Variants in PDE10A observed in about 807,000 individuals in gnomAD.
PDE10A encodes cAMP and cAMP-inhibited cGMP 3',5'-cyclic phosphodiesterase 10A.
In PDE10A, 39 loss-of-function variants were observed where a neutral mutation model predicts 97.7. The ratio of observed to expected loss-of-function variants is 0.40; its 90% CI spans 0.31 to 0.52. PDE10A has a LOEUF of 0.52. PDE10A is among the 20% of genes least tolerant of loss of function. The probability of loss-of-function intolerance (pLI) is 0.56; values close to 1 mark genes in which losing one functional copy is unlikely to be tolerated. For missense variants in PDE10A, 731 were observed against 1,047.8 expected (o/e 0.70, Z 4.17); for synonymous variants, 371 against 376.8 (o/e 0.98, Z 0.18).
At chr6:165,467,984 C>T (rs998730841) in intron 3 of PDE10A, among the ~76,000 whole-genome samples, 15 of 152,338 alleles carry the variant, frequency 9.8e-5, no homozygotes, top group African/African-American at 3.6e-4. Flanking sequence ...AAGCCATCTA[C>T]ATCTAGGCAA....
chr6:165,390,882 T>C (rs1629169), intron 16 of PDE10A, among the ~76,000 whole-genome samples: 28,135 of 152,156 alleles, frequency 0.18, 3,116 homozygotes, highest in African/African-American at 0.3. Flanking sequence ...ACAATCATAC[T>C]CGCCTGGCAT....
chr6:165,434,925 T>G (rs1160619971), intron 6 of PDE10A, among the ~76,000 whole-genome samples: 1 of 152,210 alleles, frequency 6.6e-6, no homozygotes, highest in Non-Finnish European at 1.5e-5. Context: ...CTCATTCATA[T>G]GCATCCCAGC....
intron 1 of PDE10A, among the ~76,000 whole-genome samples, chr6:165,705,704 A>C (rs1791690664): frequency 6.6e-6 from 1 of 152,218 alleles, no homozygotes. Flanking sequence ...TAATTAGATA[A>C]AAGATAATTT....
chr6:165,955,198 G>A (rs139291687), intron 1 of PDE10A, among the ~76,000 whole-genome samples: 265 of 152,242 alleles, frequency 1.7e-3, no homozygotes, highest in African/African-American at 5.1e-3. Flanking sequence ...CACATAGCCC[G>A]AGGGTCAAGG....
rs1042897172 is a variant in PDE10A, at chr6:165,329,955, G to C, written c.*3070C>G. On this transcript the variant is annotated 3_prime_UTR_variant, in exon 22 of 22. Transcript: ENST00000539869. Reference sequence around the variant, plus strand: ...TTAATAGGGCTATTTTTTAGAATTAGTTTCCACATCCATTGTATTTCTTTT... The same window carrying C: ...TTAATAGGGCTATTTTTTAGAATTACTTTCCACATCCATTGTATTTCTTTT... 31 of 152,148 alleles carry C rather than the reference G, an allele frequency of 2.0e-4. No individual in the cohort carries two copies. Among genetic ancestry groups the C allele is most frequent in the African/African-American group, 7.5e-4 (31 of 41,444 alleles). 9.4% of individuals were successfully genotyped at this position (152,148 alleles called of 1,614,324 possible).
intron 1 of PDE10A, among the ~76,000 whole-genome samples, chr6:165,914,063 A>T (rs1046151452): frequency 6.6e-6 from 1 of 152,238 alleles, no homozygotes; most frequent in Non-Finnish European, 1.5e-5. Flanking sequence ...TTACATTAAC[A>T]AACTTTAAAT....
chr6:165,924,570 C>T (rs949964894), intron 1 of PDE10A, among the ~76,000 whole-genome samples: 1 of 152,170 alleles, frequency 6.6e-6, no homozygotes, highest in Non-Finnish European at 1.5e-5. Flanking sequence ...GAAGATCTCC[C>T]TCTGTGGTAC....
rs1782101323 is a variant in PDE10A at position 165,343,420 on chromosome 6, T to C, written c.2866A>G (p.Asn956Asp). 6.2e-7 allele frequency: 1 copy of C among 1,613,778 alleles called. No individual in the cohort carries two copies. The highest frequency in any genetic ancestry group is 8.5e-7 in the Non-Finnish European group (1 of 1,179,710). The change falls in exon 19 of 22, where the codon AAT (asparagine) becomes GAT (aspartate). Residue 956 changes from asparagine (N) to aspartate (D), a missense_variant. Physicochemically the swap from Asn to Asp is conservative, Grantham distance 23. Transcript: ENST00000539869. ...KLWPVTKLTANDIYAEFWAEG... is the reference protein window; with the variant it reads ...KLWPVTKLTADDIYAEFWAEG... ...GCCCAGAATTCTGCATATATATCAT[T>C]TGCCGTCAATTTTGTAACGGGCCAC...
rs759530169 is a variant in PDE10A, at chr6:165,328,830, A to G, written c.*4195T>C. 9.9e-5 allele frequency: 15 copies of G among 152,218 alleles called. No homozygotes were observed. The highest frequency in any genetic ancestry group is 1.8e-4 in the Non-Finnish European group (12 of 68,046). The allele number at this position is 152,218 out of a possible 1,614,324, so 9.4% of individuals were successfully genotyped here. On this transcript the variant is annotated 3_prime_UTR_variant, in exon 22 of 22. Transcript: ENST00000539869. Reference sequence around the variant, plus strand: ...ACAACCAAAATATTCCGTTGGAAAAAAGACAAAAAAGTGTGCACTGCATTG... The same window carrying G: ...ACAACCAAAATATTCCGTTGGAAAAGAGACAAAAAAGTGTGCACTGCATTG...
rs117360856 is a variant in PDE10A at position 165,689,660 on chromosome 6, C to T, written c.-614-146092G>A. On this transcript the variant is annotated intron_variant, in intron 1 of 19. Transcript: ENST00000366882. Reference sequence around the variant, plus strand: ...GATGCACCAGTCCCCCTTCCTCTTCCGCCGTGAGCGGAAGCTTCCTGAGGT... The same window carrying T: ...GATGCACCAGTCCCCCTTCCTCTTCTGCCGTGAGCGGAAGCTTCCTGAGGT... Among the ~76,000 whole-genome samples the T allele has an allele frequency of 6.5e-3, 990 of 152,296 alleles. 5 individuals carry two copies. The highest frequency in any genetic ancestry group is 0.01 in the Non-Finnish European group (701 of 68,024).
intron 2 of PDE10A, among the ~76,000 whole-genome samples, chr6:165,540,154 CT>C (rs1783343574): frequency 6.6e-6 from 1 of 152,240 alleles, no homozygotes; most frequent in African/African-American, 2.4e-5. Flanking sequence ...CAGTTCATGC[CT>C]TCAAATTGAT....
intron 1 of PDE10A, among the ~76,000 whole-genome samples, chr6:165,896,290 C>T (rs939255875): frequency 6.6e-6 from 1 of 152,134 alleles, no homozygotes; most frequent in African/African-American, 2.4e-5. Context: ...GGACAGCTTC[C>T]ATGACTGTCA....
Position 165,498,423 on chromosome 6 carries a change from C to CAA in PDE10A, c.995-16082_995-16081dup, listed in dbSNP as rs35069498. Among the ~76,000 whole-genome samples, 114 of 22,878 alleles carry CAA rather than the reference C, an allele frequency of 5.0e-3. 15 individuals carry two copies. Among genetic ancestry groups the CAA allele is most frequent in the Non-Finnish European group, 5.9e-3 (65 of 10,974 alleles). 15.0% of individuals were successfully genotyped at this position (22,878 alleles called of 152,430 possible). A position where few individuals can be genotyped will look rare whatever the true frequency, so the allele number is the denominator to read the frequency against. Reference sequence around the variant, plus strand: ...GGATGACAGAGCAAGACCCTGTCTCCAAAAAAAAAAAAAAAAAAAAAAAAA... The same window carrying CAA: ...GGATGACAGAGCAAGACCCTGTCTCCAAAAAAAAAAAAAAAAAAAAAAAAAAA... On this transcript the variant is annotated intron_variant, in intron 2 of 21. Transcript: ENST00000539869.
At chr6:165,623,996 G>C (rs1394353878) in intron 1 of PDE10A, among the ~76,000 whole-genome samples, 1 of 152,186 alleles carries the variant, frequency 6.6e-6, no homozygotes, top group African/African-American at 2.4e-5. Flanking sequence ...TTGACAATGG[G>C]AAAGTGAATG....
At chr6:165,932,715 G>A (rs1448521815) in intron 1 of PDE10A, among the ~76,000 whole-genome samples, 1 of 152,098 alleles carries the variant, frequency 6.6e-6, no homozygotes, top group Non-Finnish European at 1.5e-5. Context: ...CAGGTGATCT[G>A]CCCGCATCAG....
At position 165,928,914 on chromosome 6, in the gene PDE10A, C is replaced by T. The variant is rs138516404; in HGVS notation, c.-615+58615G>A. ...TTCTTTGGTTGAGAAGTTTCTAGTG[C>T]AGTCTTGCTGGGATGAGAGACGAAG... On this transcript the variant is annotated intron_variant, in intron 1 of 19. Transcript: ENST00000366882. Among the ~76,000 whole-genome samples the T allele has an allele frequency of 3.1e-4, 47 of 152,290 alleles. No homozygotes were observed. In the East Asian group the frequency reaches 6.6e-3, roughly 21 times the overall value.
rs200573248 is a variant in PDE10A, at chr6:165,621,756, TAA to T, written c.865+40189_865+40190del. On this transcript the variant is annotated intron_variant, in intron 1 of 21. Transcript: ENST00000539869. ...TGGGTGACAGAGTGAGACTCTTATC[TAA>T]AAAAGAAAAAAAAAAGAAGAAGAAG... 1.8e-3 allele frequency among the ~76,000 whole-genome samples: 202 copies of T among 114,140 alleles called. 1 individual carries two copies. Among genetic ancestry groups the T allele is most frequent in the African/African-American group, 7.6e-3 (193 of 25,548 alleles). The allele number at this position is 114,140 out of a possible 152,430, so 74.9% of individuals were successfully genotyped here.
chr6:165,883,665 G>T (rs1004895899), intron 1 of PDE10A, among the ~76,000 whole-genome samples: 1 of 152,168 alleles, frequency 6.6e-6, no homozygotes, highest in African/African-American at 2.4e-5. Context: ...GGTCTAGGGG[G>T]CAACAACAGG....
intron 1 of PDE10A, among the ~76,000 whole-genome samples, chr6:165,572,053 C>G (rs561279066): frequency 1.3e-5 from 2 of 152,302 alleles, no homozygotes; most frequent in South Asian, 4.1e-4. Flanking sequence ...ATCTTTACAT[C>G]AGAGAAAGAT....
Sources: allele counts gnomAD v4.1 joint callset (sites outside exome capture counted in the v4.1 genomes callset), GRCh38; gene constraint gnomAD v4.1.1; transcripts MANE v1.5; gene names NCBI Gene and HGNC (gene_info 2026-07-23, HGNC 2026-07-21).